DIS3L2: variants seen among roughly 807,000 people sequenced by gnomAD.
DIS3L2 encodes DIS3-like exonuclease 2.
Under a neutral mutation model 97.5 loss-of-function variants are expected in DIS3L2, and 34 were observed. That is an observed-to-expected ratio of 0.35 (90% CI 0.27 to 0.46). The LOEUF (loss-of-function observed/expected upper bound fraction) is 0.46, where lower values mean the gene tolerates loss of function less well. Ranked by LOEUF, DIS3L2 falls within the 20% of genes least tolerant of loss-of-function variation. The pLI is 1.00. For synonymous variants in DIS3L2, 435 were observed against 445.2 expected (o/e 0.98, Z 0.29); for missense variants, 1,038 against 1,146.0 (o/e 0.91, Z 1.36).
chr2:232,035,968 A>G (rs930799722), intron 5 of DIS3L2, among the ~76,000 whole-genome samples: 1 of 151,564 alleles, frequency 6.6e-6, no homozygotes, highest in Non-Finnish European at 1.5e-5. Flanking sequence ...CCTTAATTTC[A>G]ACTTTTCCTT....
rs1257487826 is a variant in DIS3L2 at position 232,325,500 on chromosome 2, C to T, written c.1740-4313C>T. Among the ~76,000 whole-genome samples, 2 of 152,170 alleles carry T rather than the reference C, an allele frequency of 1.3e-5. No individual in the cohort carries two copies. Among genetic ancestry groups the T allele is most frequent in the East Asian group, 3.9e-4 (2 of 5,182 alleles). On this transcript the variant is annotated intron_variant, in intron 14 of 20. Coordinates refer to ENST00000325385, the MANE Select transcript of DIS3L2 (RefSeq NM_152383.5). This position sits in a 1 kb window ranked among gnomAD's most constrained non-coding sequence, Gnocchi z 4.6. ...ATACCTGAGCCTCCCCCTCCCCACC[C>T]CCTCCTGCCCCAGGGAGGCCCAGAA...
exon 14 of DIS3L2, chr2:232,343,497 G>A (rs1696160497): frequency 1.9e-6 from 3 of 1,556,736 alleles, no homozygotes; most frequent in Non-Finnish European, 2.6e-6. Flanking sequence ...TTTTCCTTCA[G>A]CAACAGAGCC....
intron 5 of DIS3L2, among the ~76,000 whole-genome samples, chr2:232,047,158 A>G (rs1158634145): frequency 6.6e-6 from 1 of 152,240 alleles, no homozygotes; most frequent in East Asian, 1.9e-4. Context: ...AGAATATTGC[A>G]AAGTTATTTC....
chr2:232,008,041 C>G (rs190690660), intron 1 of DIS3L2, among the ~76,000 whole-genome samples: 2 of 152,144 alleles, frequency 1.3e-5, no homozygotes, highest in Non-Finnish European at 2.9e-5. Context: ...GGGTCTCACT[C>G]TGTCACTTGG....
intron 5 of DIS3L2, among the ~76,000 whole-genome samples, chr2:232,059,287 C>T (rs1195175806): frequency 1.3e-5 from 2 of 152,052 alleles, no homozygotes; most frequent in African/African-American, 4.8e-5. Context: ...TAAAATGATT[C>T]AAATAAAACA....
At chr2:232,193,841 C>A (rs529889516) in intron 9 of DIS3L2, among the ~76,000 whole-genome samples, 4 of 152,132 alleles carry the variant, frequency 2.6e-5, no homozygotes, top group Non-Finnish European at 2.9e-5. Flanking sequence ...ATTAAAGATT[C>A]AATTCACGGC....
chr2:232,260,319 GGCTGGAGCA>G (rs775460578), intron 12 of DIS3L2: 14 of 152,290 alleles, frequency 9.2e-5, no homozygotes, highest in Non-Finnish European at 1.3e-4. Flanking sequence ...TTCCAGAGGA[GGCTGGAGCA>G]GCTCTTCAGG....
chr2:232,189,686 AAT>A (rs1314383168), intron 9 of DIS3L2, among the ~76,000 whole-genome samples: 2 of 152,178 alleles, frequency 1.3e-5, no homozygotes, highest in African/African-American at 2.4e-5. Context: ...TATGTAATAA[AAT>A]TGTATAGAAC....
chr2:232,112,225 A>T (rs1410181445), intron 6 of DIS3L2, among the ~76,000 whole-genome samples: 1 of 152,230 alleles, frequency 6.6e-6, no homozygotes, highest in Non-Finnish European at 1.5e-5. Flanking sequence ...CTTGCCAGGT[A>T]ACTTGGACAA....
At chr2:232,212,520 A>C (rs1469580953) in intron 10 of DIS3L2, among the ~76,000 whole-genome samples, 3 of 152,164 alleles carry the variant, frequency 2.0e-5, no homozygotes, top group Non-Finnish European at 2.9e-5. Context: ...CTAGGGCCCA[A>C]GTGTGTCAGC....
intron 1 of DIS3L2, among the ~76,000 whole-genome samples, chr2:232,008,961 T>G (rs1453961214): frequency 6.6e-6 from 1 of 152,226 alleles, no homozygotes; most frequent in Non-Finnish European, 1.5e-5. Context: ...TTCAAATTTA[T>G]TGGTTATTTC....
chr2:232,030,176 A>AC, intron 5 of DIS3L2, 96 bp downstream of exon 5: 2 of 1,009,834 alleles, frequency 2.0e-6, no homozygotes, highest in Non-Finnish European at 3.0e-6. Flanking sequence ...GGAGTCACAG[A>AC]CCCCTTAGGC....
intron 6 of DIS3L2, among the ~76,000 whole-genome samples, chr2:232,089,536 TG>T (rs1400425033): frequency 6.6e-6 from 1 of 152,138 alleles, no homozygotes; most frequent in Non-Finnish European, 1.5e-5. Context: ...GTGAGAAGAG[TG>T]GCAAATAACC....
intron 9 of DIS3L2, among the ~76,000 whole-genome samples, chr2:232,193,636 A>G (rs574179408): frequency 6.6e-6 from 1 of 152,288 alleles, no homozygotes; most frequent in Non-Finnish European, 1.5e-5. Context: ...TTCATCTATC[A>G]TTGGGTATTA....
chr2:232,057,566 A>G (rs1695579722), intron 5 of DIS3L2, among the ~76,000 whole-genome samples: 1 of 152,136 alleles, frequency 6.6e-6, no homozygotes, highest in African/African-American at 2.4e-5. Flanking sequence ...AACTGCCAGG[A>G]GTTTTATAGC....
intron 9 of DIS3L2, among the ~76,000 whole-genome samples, chr2:232,174,622 T>C (rs1691097097): frequency 6.6e-6 from 1 of 151,772 alleles, no homozygotes; most frequent in Admixed American, 6.6e-5. Context: ...GTTAGCTCTG[T>C]TTTTCGTGGA....
chr2:232,206,666 G>C (rs1388932201), intron 9 of DIS3L2, among the ~76,000 whole-genome samples: 1 of 152,170 alleles, frequency 6.6e-6, no homozygotes, highest in Non-Finnish European at 1.5e-5. Flanking sequence ...ATAATGTTTG[G>C]ATGGCTTATC....
chr2:232,342,282 CAT>C (rs1021476645), intron 13 of DIS3L2, among the ~76,000 whole-genome samples: 24 of 151,942 alleles, frequency 1.6e-4, no homozygotes, highest in Admixed American at 2.6e-4. Context: ...CATATATACA[CAT>C]ATATGCATAT....
At chr2:232,101,791 A>G (rs1697210593) in intron 6 of DIS3L2, among the ~76,000 whole-genome samples, 1 of 152,256 alleles carries the variant, frequency 6.6e-6, no homozygotes, top group African/African-American at 2.4e-5. Flanking sequence ...CAACTATTAC[A>G]TTCTTTCTCC....
Sources: gnomAD v4.1 joint callset for allele counts (sites outside exome capture counted in the v4.1 genomes callset) on GRCh38, gnomAD v4.1.1 for gene constraint, Gnocchi (gnomAD v3.1) non-coding constraint, MANE v1.5 for transcripts, NCBI Gene and HGNC (gene_info 2026-07-23, HGNC 2026-07-21) for gene names.